Variants in BBS9 observed in about 807,000 individuals in gnomAD.
BBS9 encodes the protein Bardet-Biedl syndrome 9.
Under a neutral mutation model 117.7 loss-of-function variants are expected in BBS9, and 89 were observed. The observed-to-expected ratio is 0.76, with a 90% CI of 0.64 to 0.90. The LOEUF (loss-of-function observed/expected upper bound fraction) is 0.90, where lower values mean the gene tolerates loss of function less well. Ranked by LOEUF, BBS9 falls within the 40% of genes least tolerant of loss-of-function variation. The probability of loss-of-function intolerance (pLI) is 0.00; values close to 1 mark genes in which losing one functional copy is unlikely to be tolerated. For missense variants in BBS9, 982 were observed against 1,042.2 expected (o/e 0.94, Z 0.80); for synonymous variants, 379 against 370.9 (o/e 1.02, Z -0.25).
chr7:33,372,714 G>A (rs933632633), intron 17 of BBS9, among the ~76,000 whole-genome samples: 5 of 152,176 alleles, frequency 3.3e-5, no homozygotes, highest in African/African-American at 1.2e-4. Flanking sequence ...TTTTGGAATA[G>A]TTTGAGTAGA....
At chr7:33,397,915 G>C (rs1005062332) in intron 19 of BBS9, among the ~76,000 whole-genome samples, 1 of 151,968 alleles carries the variant, frequency 6.6e-6, no homozygotes, top group African/African-American at 2.4e-5. Flanking sequence ...ACAAACCACT[G>C]TGGCACATGT....
At position 33,457,587 on chromosome 7, in the gene BBS9, G is replaced by T. The variant is rs1203758512; in HGVS notation, c.2116-47876G>T. On this transcript the variant is annotated intron_variant, in intron 19 of 22. Coordinates refer to ENST00000242067, the MANE Select transcript of BBS9 (RefSeq NM_198428.3). ...TGAAACTTACTTGTTGATGGAATAA[G>T]ATATAATTTACACTAAAATACTTCA... Among the ~76,000 whole-genome samples the T allele has an allele frequency of 2.6e-5, 4 of 152,114 alleles. 1 individual carries two copies. Among genetic ancestry groups the T allele is most frequent in the Non-Finnish European group, 5.9e-5 (4 of 68,016 alleles).
chr7:33,586,708 T>C (rs1309848957), intron 21 of BBS9, among the ~76,000 whole-genome samples: 1 of 152,052 alleles, frequency 6.6e-6, no homozygotes, highest in East Asian at 1.9e-4. Context: ...GAGTACTATG[T>C]AGCCATAAAA....
chr7:33,411,587 A>T (rs1173530673), intron 19 of BBS9, among the ~76,000 whole-genome samples: 1 of 152,112 alleles, frequency 6.6e-6, no homozygotes, highest in Admixed American at 6.5e-5. Context: ...ATATAAACTT[A>T]TATATGTACT....
At chr7:33,222,234 T>C (rs2128240532) in intron 5 of BBS9, among the ~76,000 whole-genome samples, 1 of 152,332 alleles carries the variant, frequency 6.6e-6, no homozygotes, top group South Asian at 2.1e-4. Flanking sequence ...GTTATACCTT[T>C]TTAGATTTTT....
intron 21 of BBS9, among the ~76,000 whole-genome samples, chr7:33,546,582 G>A (rs976096776): frequency 1.3e-5 from 2 of 151,996 alleles, no homozygotes; most frequent in African/African-American, 4.8e-5. Flanking sequence ...TATTTTTCTA[G>A]CCATATCTTC....
chr7:33,511,008 A>T (rs1846874974), intron 20 of BBS9, among the ~76,000 whole-genome samples: 1 of 152,168 alleles, frequency 6.6e-6, no homozygotes, highest in Admixed American at 6.5e-5. Context: ...GGAACAAGAA[A>T]CTTCTCTGGG....
At chr7:33,194,055 C>T (rs1279371501) in intron 5 of BBS9, among the ~76,000 whole-genome samples, 3 of 152,124 alleles carry the variant, frequency 2.0e-5, no homozygotes, top group Non-Finnish European at 4.4e-5. Flanking sequence ...AGCTTGGCTG[C>T]TATTTTTTAT....
chr7:33,317,338 T>G (rs569032103), intron 9 of BBS9, among the ~76,000 whole-genome samples: 1 of 152,214 alleles, frequency 6.6e-6, no homozygotes, highest in Non-Finnish European at 1.5e-5. Flanking sequence ...CTATTTTGGG[T>G]TTTTTTGCAT....
intron 19 of BBS9, among the ~76,000 whole-genome samples, chr7:33,427,613 A>G (rs1386681965): frequency 6.6e-6 from 1 of 152,166 alleles, no homozygotes; most frequent in Non-Finnish European, 1.5e-5. Flanking sequence ...CTGGATTATT[A>G]GTTTTACAGT....
At chr7:33,483,974 C>T (rs1187191988) in intron 19 of BBS9, among the ~76,000 whole-genome samples, 1 of 152,008 alleles carries the variant, frequency 6.6e-6, no homozygotes, top group African/African-American at 2.4e-5. Context: ...TTCAAGCTTT[C>T]AAAGAATTTT....
intron 1 of BBS9, among the ~76,000 whole-genome samples, chr7:33,141,464 C>T (rs1240400656): frequency 6.6e-6 from 1 of 152,130 alleles, no homozygotes; most frequent in Non-Finnish European, 1.5e-5. Context: ...CTCCTGGGCT[C>T]AATTGATCCT....
intron 19 of BBS9, among the ~76,000 whole-genome samples, chr7:33,504,589 T>A (rs1845891195): frequency 6.6e-6 from 1 of 152,190 alleles, no homozygotes; most frequent in South Asian, 2.1e-4. Context: ...CCCTGGCTTT[T>A]GCTAATGCTG....
chr7:33,403,426 T>C (rs1829306184), intron 19 of BBS9, among the ~76,000 whole-genome samples: 1 of 150,574 alleles, frequency 6.6e-6, no homozygotes, highest in African/African-American at 2.4e-5. Context: ...TAACTCGTCA[T>C]TTAGCATTAG....
At chr7:33,471,479 A>C (rs548276904) in intron 19 of BBS9, among the ~76,000 whole-genome samples, 6 of 152,324 alleles carry the variant, frequency 3.9e-5, no homozygotes, top group Non-Finnish European at 8.8e-5. Flanking sequence ...CGTATAGTCC[A>C]TAGTAGGTGC....
At chr7:33,488,988 C>CTTTTTTT (rs869216155) in intron 19 of BBS9, among the ~76,000 whole-genome samples, 2 of 103,332 alleles carry the variant, frequency 1.9e-5, no homozygotes, top group Non-Finnish European at 3.8e-5. Context: ...GGACAGACTT[C>CTTTTTTT]TTTTTTTTTT....
chr7:33,569,573 A>G (rs1857441584), intron 21 of BBS9, among the ~76,000 whole-genome samples: 1 of 151,392 alleles, frequency 6.6e-6, no homozygotes, highest in Non-Finnish European at 1.5e-5. Context: ...GGCTATGGTG[A>G]AATCCCATCT....
chr7:33,294,655 T>A (rs546285935), intron 9 of BBS9, among the ~76,000 whole-genome samples: 1 of 152,326 alleles, frequency 6.6e-6, no homozygotes, highest in Non-Finnish European at 1.5e-5. Flanking sequence ...AAATCACATT[T>A]AGAAGCTTTT....
At chr7:33,555,965 G>A (rs933948348) in intron 21 of BBS9, among the ~76,000 whole-genome samples, 2 of 152,066 alleles carry the variant, frequency 1.3e-5, no homozygotes, top group Non-Finnish European at 2.9e-5. Context: ...TGCTATGTAC[G>A]TGTGTTTTAA....
Sources: gnomAD v4.1 joint callset for allele counts (sites outside exome capture counted in the v4.1 genomes callset) on GRCh38, gnomAD v4.1.1 for gene constraint, MANE v1.5 for transcripts, NCBI Gene and HGNC (gene_info 2026-07-23, HGNC 2026-07-21) for gene names.